GPAT4: variants seen among roughly 807,000 people sequenced by gnomAD.
The protein encoded by GPAT4 is glycerol-3-phosphate acyltransferase 4, also known as 1-AGP acyltransferase 6.
In GPAT4, 17 loss-of-function variants were observed where a neutral mutation model predicts 58.0. That is an observed-to-expected ratio of 0.29 (90% CI 0.20 to 0.44). The LOEUF (loss-of-function observed/expected upper bound fraction) is 0.44, where lower values mean the gene tolerates loss of function less well. Among genes scored for constraint, GPAT4 ranks in the 20% least tolerant of loss-of-function variants. The pLI, the probability that GPAT4 is intolerant of heterozygous loss-of-function variation, is 1.00. For missense variants in GPAT4, 377 were observed against 574.5 expected, an observed-to-expected ratio of 0.66 and a Z score of 3.51; for synonymous variants, 204 against 210.1, an observed-to-expected ratio of 0.97 and a Z score of 0.25.
At chr8:41,586,529 A>C (rs572053016) in intron 1 of GPAT4, among the ~76,000 whole-genome samples, 79 of 152,270 alleles carry the variant, frequency 5.2e-4, no homozygotes, top group African/African-American at 1.9e-3. Context: ...TTGGATTCTT[A>C]GTATTGAGCT....
chr8:41,594,890 A>G (rs904104312), intron 1 of GPAT4, among the ~76,000 whole-genome samples: 6 of 151,982 alleles, frequency 3.9e-5, no homozygotes, highest in Non-Finnish European at 8.8e-5. Flanking sequence ...CAGGGCAAGA[A>G]TTTACCATAT....
At position 41,586,768 on chromosome 8, in the gene GPAT4, G is replaced by A. The variant is rs76378821; in HGVS notation, c.-849+8490G>A. ...TTTTAGAGAACTAGATGCCTTTTAC[G>A]TATGGATAATTTGTGCTCAGAGATG... is the stretch of plus-strand genomic sequence containing the variant. On this transcript the variant is annotated intron_variant, in intron 1 of 12. Transcript: ENST00000396987. 6.0e-3 allele frequency among the ~76,000 whole-genome samples: 914 copies of A among 152,216 alleles called. 9 individuals are homozygous for A. Among genetic ancestry groups the A allele is most frequent in the African/African-American group, 0.02 (842 of 41,526 alleles).
At chr8:41,607,246 G>A (rs1803303350) in intron 2 of GPAT4, among the ~76,000 whole-genome samples, 1 of 152,066 alleles carries the variant, frequency 6.6e-6, no homozygotes, top group Non-Finnish European at 1.5e-5. Context: ...CTGCCCTTGT[G>A]ACTTGGGGCA....
chr8:41,582,431 G>A (rs1802540626), intron 1 of GPAT4, among the ~76,000 whole-genome samples: 1 of 145,780 alleles, frequency 6.9e-6, no homozygotes, highest in Non-Finnish European at 1.5e-5. Context: ...TGGAGAAATA[G>A]GGTGGGAAAG....
At chr8:41,582,018 T>A (rs553294744) in intron 1 of GPAT4, among the ~76,000 whole-genome samples, 1,163 of 99,326 alleles carry the variant, frequency 0.012, 37 homozygotes, top group African/African-American at 0.045. Context: ...TTTTTTTTTT[T>A]TTTTTTTGGA....
At chr8:41,603,936 G>C (rs955692080) in intron 2 of GPAT4, among the ~76,000 whole-genome samples, 1 of 137,300 alleles carries the variant, frequency 7.3e-6, no homozygotes. Context: ...GTGTATTCAC[G>C]TAGTTTTGGG....
At chr8:41,616,406 G>A (rs765929954) in intron 10 of GPAT4, among the ~76,000 whole-genome samples, 1 of 152,126 alleles carries the variant, frequency 6.6e-6, no homozygotes, top group Non-Finnish European at 1.5e-5. Flanking sequence ...GGTGATTCTT[G>A]TGTCTCAGCC....
chr8:41,614,160 G>A (rs1803527361), intron 8 of GPAT4, among the ~76,000 whole-genome samples: 1 of 152,162 alleles, frequency 6.6e-6, no homozygotes, highest in Admixed American at 6.5e-5. Context: ...TCCGATGTTC[G>A]CACAGAATTG....
At chr8:41,612,815 A>G in intron 7 of GPAT4, 30 bp from the exon 8 acceptor site, 1 of 1,585,086 alleles carries the variant, frequency 6.3e-7, no homozygotes, top group South Asian at 1.1e-5. Context: ...AGATGGCTTC[A>G]CTACTAATGA....
rs773233185 is a variant in GPAT4, at chr8:41,614,447, A to G, written c.967+6A>G. 2 of 1,613,970 alleles carry G rather than the reference A, an allele frequency of 1.2e-6. No individual in the cohort carries two copies. Among genetic ancestry groups the G allele is most frequent in the Non-Finnish European group, 1.7e-6 (2 of 1,179,988 alleles). Reference sequence around the variant, plus strand: ...TATCCTCATCTTCCCAGAAGGTAAGAAGGGGTTGGTTGCCACGAAGGGCTT... The same window carrying G: ...TATCCTCATCTTCCCAGAAGGTAAGGAGGGGTTGGTTGCCACGAAGGGCTT... On this transcript the variant is annotated splice_donor_region_variant and intron_variant, in intron 9 of 12. Transcript: ENST00000396987.
Position 41,610,069 on chromosome 8 carries a change from C to G in GPAT4, c.536+114C>G, listed in dbSNP as rs764120780. The G allele has an allele frequency of 2.0e-5, 30 of 1,500,938 alleles. No homozygotes were observed. The South Asian group carries it at 3.1e-4, about 16-fold the overall frequency. 93.0% of individuals were successfully genotyped at this position (1,500,938 alleles called of 1,614,324 possible). A position where few individuals can be genotyped will look rare whatever the true frequency, so the allele number is the denominator to read the frequency against. On this transcript the variant is annotated intron_variant, in intron 4 of 12. Transcript: ENST00000396987. ...TTAGAAAGGAGGAGGGAATGACTGT[C>G]GTTAGCCAGGCCACGTGACTCTTTG...
At chr8:41,590,058 A>G (rs1156446107) in intron 1 of GPAT4, among the ~76,000 whole-genome samples, 1 of 152,072 alleles carries the variant, frequency 6.6e-6, no homozygotes, top group Non-Finnish European at 1.5e-5. Flanking sequence ...CCAAATTCTG[A>G]TAATGGAGTC....
At chr8:41,585,338 G>T (rs1802623807) in intron 1 of GPAT4, among the ~76,000 whole-genome samples, 1 of 152,120 alleles carries the variant, frequency 6.6e-6, no homozygotes, top group African/African-American at 2.4e-5. Context: ...CACTCGACTG[G>T]ACATCAGATG....
intron 1 of GPAT4, among the ~76,000 whole-genome samples, chr8:41,583,389 A>G (rs550171586): frequency 6.6e-6 from 1 of 151,866 alleles, no homozygotes; most frequent in Admixed American, 6.6e-5. Context: ...ATTATATTCT[A>G]CTGTCTATGA....
In GPAT4 at chr8:41,609,142, G is replaced by T. The variant is rs77831031; in HGVS notation, c.166-274G>T. 4.4e-3 allele frequency among the ~76,000 whole-genome samples: 674 copies of T among 152,352 alleles called. 3 individuals carry two copies. Among genetic ancestry groups the T allele is most frequent in the Middle Eastern group, 0.017 (5 of 294 alleles). ...GCTCCCTACAGCCCGGAGACAGAGA[G>T]ACGTAGGCAGTGAGGAACTAGGCCT... On this transcript the variant is annotated intron_variant, in intron 2 of 12. Coordinates refer to ENST00000396987, the MANE Select transcript of GPAT4 (RefSeq NM_178819.4).
At chr8:41,583,958 A>G (rs1208181209) in intron 1 of GPAT4, among the ~76,000 whole-genome samples, 1 of 152,188 alleles carries the variant, frequency 6.6e-6, no homozygotes, top group Non-Finnish European at 1.5e-5. Flanking sequence ...GTGCAGTGGC[A>G]CTGTCATGGC....
intron 2 of GPAT4, among the ~76,000 whole-genome samples, chr8:41,606,536 C>A (rs1242242919): frequency 6.6e-6 from 1 of 152,114 alleles, no homozygotes; most frequent in Non-Finnish European, 1.5e-5. Flanking sequence ...TCTGAAGATT[C>A]ACTGAAAAAT....
intron 12 of GPAT4, chr8:41,619,357 G>A: frequency 7.6e-6 from 2 of 262,776 alleles, no homozygotes; most frequent in South Asian, 1.1e-4. Context: ...GAAAGGTAAA[G>A]GTTGTGTTTG....
intron 10 of GPAT4, among the ~76,000 whole-genome samples, chr8:41,616,071 A>G (rs1247740055): frequency 6.6e-6 from 1 of 152,206 alleles, no homozygotes; most frequent in African/African-American, 2.4e-5. Context: ...AGAGGAACAT[A>G]GTCTGTTAGC....
Sources: gnomAD v4.1 joint callset for allele counts (sites outside exome capture counted in the v4.1 genomes callset) on GRCh38, gnomAD v4.1.1 for gene constraint, MANE v1.5 for transcripts, NCBI Gene and HGNC (gene_info 2026-07-23, HGNC 2026-07-21) for gene names.